KSR2: variants seen among roughly 807,000 people sequenced by gnomAD.
The protein encoded by KSR2 is kinase suppressor of ras 2.
In KSR2, 25 loss-of-function variants were observed where a neutral mutation model predicts 107.8. The observed-to-expected ratio is 0.23, with a 90% CI of 0.17 to 0.32. KSR2 has a LOEUF of 0.32. Among genes scored for constraint, KSR2 ranks in the 10% least tolerant of loss-of-function variants. The pLI, the probability that KSR2 is intolerant of heterozygous loss-of-function variation, is 1.00. For synonymous variants in KSR2, 480 were observed against 507.0 expected (o/e 0.95, Z 0.71); for missense variants, 887 against 1,268.9 (o/e 0.70, Z 4.57).
intron 6 of KSR2, among the ~76,000 whole-genome samples, chr12:117,580,911 T>C (rs1361249144): frequency 6.7e-6 from 1 of 149,802 alleles, no homozygotes; most frequent in Admixed American, 6.6e-5. Flanking sequence ...AATCCAAGAA[T>C]GGGGATGAGC....
Position 117,469,766 on chromosome 12 carries a change from T to C in KSR2, c.2742A>G (p.Glu914=), listed in dbSNP as rs532458503. The C allele has an allele frequency of 6.2e-7, 1 of 1,613,914 alleles. No individual in the cohort carries two copies. The highest frequency in any genetic ancestry group is 1.1e-5 in the South Asian group (1 of 91,020). Residue 914 remains glutamate (E), a synonymous_variant, in exon 19 of 20, where the codon GAA becomes GAG. Coordinates refer to ENST00000339824, the MANE Select transcript of KSR2 (RefSeq NM_173598.6). ...SDILLFCWAF[E]QEERPTFTKL... ...TGGTGAAGGTAGGTCTCTCTTCTTG[T>C]TCAAAGGCCCAGCAGAAGAGAAGAA...
intron 4 of KSR2, among the ~76,000 whole-genome samples, chr12:117,721,551 T>C (rs1348779): frequency 0.39 from 59,795 of 152,010 alleles, 11,974 homozygotes; most frequent in Middle Eastern, 0.5. Flanking sequence ...GAGTCAGAGC[T>C]GAGATCAAAC....
At chr12:117,778,359 G>T (rs1033751196) in intron 3 of KSR2, among the ~76,000 whole-genome samples, 1 of 152,116 alleles carries the variant, frequency 6.6e-6, no homozygotes, top group Non-Finnish European at 1.5e-5. Context: ...TCATAGTGCT[G>T]GGATTACAGG....
intron 10 of KSR2, among the ~76,000 whole-genome samples, chr12:117,533,443 T>G (rs1875804001): frequency 6.6e-6 from 1 of 152,226 alleles, no homozygotes; most frequent in Non-Finnish European, 1.5e-5. Context: ...TTAGTCCAAT[T>G]CCAGATTATA....
chr12:117,674,226 C>A, intron 4 of KSR2: 1 of 475,094 alleles, frequency 2.1e-6, no homozygotes, highest in Non-Finnish European at 4.2e-6. Context: ...TGAATGAGTT[C>A]ATTACTCTCC....
chr12:117,931,579 G>A (rs117573103), intron 1 of KSR2, among the ~76,000 whole-genome samples: 2,205 of 152,202 alleles, frequency 0.014, 30 homozygotes, highest in Middle Eastern at 0.092. Flanking sequence ...CTTCCCATCC[G>A]TCACCCTTCC....
rs1182926720 is a variant in KSR2, at chr12:117,785,339, C to T, written c.473-23815G>A. ...TTAAGACAGGAGAATTGCTTGAACC[C>T]GGGAGGTGAAGGTTGCAGTGAGCCA... On this transcript the variant is annotated intron_variant, in intron 3 of 19. Transcript: ENST00000339824. Among the ~76,000 whole-genome samples the T allele has an allele frequency of 4.6e-5, 6 of 130,468 alleles. No individual in the cohort carries two copies. The South Asian group carries it at 8.1e-4, about 18-fold the overall frequency. 85.6% of individuals were successfully genotyped at this position (130,468 alleles called of 152,430 possible).
chr12:117,559,517 G>T (rs1398995805), intron 7 of KSR2, among the ~76,000 whole-genome samples: 1 of 152,140 alleles, frequency 6.6e-6, no homozygotes, highest in African/African-American at 2.4e-5. Flanking sequence ...TGGATTAACT[G>T]ACTTGCCCTG....
intron 5 of KSR2, among the ~76,000 whole-genome samples, chr12:117,621,521 C>T (rs1386584418): frequency 6.6e-6 from 1 of 152,062 alleles, no homozygotes; most frequent in Non-Finnish European, 1.5e-5. Flanking sequence ...ATAGTATGTG[C>T]TTCATAGGGT....
At chr12:117,840,736 C>A (rs117226666) in intron 3 of KSR2, among the ~76,000 whole-genome samples, 2,856 of 152,074 alleles carry the variant, frequency 0.019, 33 homozygotes, top group Middle Eastern at 0.044. Context: ...GGCATGGTGG[C>A]TTACGCCTAT....
intron 4 of KSR2, among the ~76,000 whole-genome samples, chr12:117,676,277 CA>C (rs955017162): frequency 2.0e-5 from 3 of 151,518 alleles, no homozygotes; most frequent in African/African-American, 4.8e-5. Flanking sequence ...AGCGTCCTGG[CA>C]AAAAAAAGGG....
intron 1 of KSR2, among the ~76,000 whole-genome samples, chr12:117,944,650 G>A (rs1453643504): frequency 1.3e-5 from 2 of 151,660 alleles, no homozygotes; most frequent in Non-Finnish European, 2.9e-5. Context: ...GAGCCTAGGA[G>A]ATCGAGACCA....
chr12:117,562,605 G>A (rs1395283318), intron 7 of KSR2, among the ~76,000 whole-genome samples: 1 of 152,132 alleles, frequency 6.6e-6, no homozygotes, highest in African/African-American at 2.4e-5. Flanking sequence ...TCAGGAGCAT[G>A]CAATTTAGTT....
At chr12:117,795,634 T>C (rs1890595916) in intron 3 of KSR2, among the ~76,000 whole-genome samples, 1 of 152,160 alleles carries the variant, frequency 6.6e-6, no homozygotes, top group Admixed American at 6.6e-5. Context: ...CCTGTGGTTT[T>C]TATTTATTTA....
At chr12:117,658,339 T>G (rs999400192) in intron 5 of KSR2, among the ~76,000 whole-genome samples, 3 of 152,204 alleles carry the variant, frequency 2.0e-5, no homozygotes, top group African/African-American at 7.2e-5. Flanking sequence ...ATTTGGAAAC[T>G]ATTGCATAGT....
At chr12:117,528,440 T>C (rs1406542776) in intron 12 of KSR2, among the ~76,000 whole-genome samples, 1 of 151,914 alleles carries the variant, frequency 6.6e-6, no homozygotes, top group Non-Finnish European at 1.5e-5. Context: ...CCCCAGTAGA[T>C]TCCCCCTTCC....
intron 5 of KSR2, among the ~76,000 whole-genome samples, chr12:117,605,379 T>C (rs1036814840): frequency 6.7e-6 from 1 of 150,282 alleles, no homozygotes; most frequent in Admixed American, 6.7e-5. Flanking sequence ...ATTTTGTTCA[T>C]TACATAATTT....
At chr12:117,868,201 G>A (rs1671119853) in intron 1 of KSR2, among the ~76,000 whole-genome samples, 2 of 152,170 alleles carry the variant, frequency 1.3e-5, no homozygotes, top group Admixed American at 1.3e-4. Context: ...GCCAAGGTGG[G>A]TGGATCACCT....
At chr12:117,818,884 G>A (rs1891467193) in intron 3 of KSR2, among the ~76,000 whole-genome samples, 1 of 152,050 alleles carries the variant, frequency 6.6e-6, no homozygotes, top group South Asian at 2.1e-4. Context: ...TTTAGACCAG[G>A]GAAGAGAAAA....
Sources: gnomAD v4.1 joint callset for allele counts (sites outside exome capture counted in the v4.1 genomes callset) on GRCh38, gnomAD v4.1.1 for gene constraint, MANE v1.5 for transcripts, NCBI Gene and HGNC (gene_info 2026-07-23, HGNC 2026-07-21) for gene names.